Variants in ZNF385D observed in about 807,000 individuals in gnomAD.
ZNF385D encodes the protein zinc finger protein 659.
ZNF385D carries 15 observed loss-of-function variants against 35.8 expected under a neutral mutation model. The ratio of observed to expected loss-of-function variants is 0.42; its 90% confidence interval spans 0.28 to 0.64. ZNF385D has a LOEUF of 0.64. ZNF385D is among the 30% of genes least tolerant of loss of function. ZNF385D has a pLI of 0.23. For missense variants in ZNF385D, 474 were observed against 494.6 expected, an observed-to-expected ratio of 0.96 and a Z score of 0.39; for synonymous variants, 212 against 186.8, an observed-to-expected ratio of 1.13 and a Z score of -1.10.
intron 3 of ZNF385D, among the ~76,000 whole-genome samples, chr3:22,127,577 T>A (rs2125678961): frequency 6.6e-6 from 1 of 152,094 alleles, no homozygotes; most frequent in Non-Finnish European, 1.5e-5. Flanking sequence ...TGACCTCAAG[T>A]GATCTGCCCA....
At chr3:21,964,424 A>G (rs1702769323) in intron 3 of ZNF385D, among the ~76,000 whole-genome samples, 1 of 91,060 alleles carries the variant, frequency 1.1e-5, no homozygotes, top group South Asian at 4.2e-4. Context: ...AAAAAAAAAA[A>G]AAAAAAAAGA....
At chr3:21,753,786 T>TG (rs1491589195), upstream of ZNF385D, among the ~76,000 whole-genome samples, 37 of 109,342 alleles carry the variant, frequency 3.4e-4, no homozygotes, top group African/African-American at 1.6e-3. Context: ...GTTGTTGTTG[T>TG]TGTTGTGTGT....
chr3:21,642,762 G>A (rs1213718822), intron 2 of ZNF385D, among the ~76,000 whole-genome samples: 1 of 152,116 alleles, frequency 6.6e-6, no homozygotes, highest in Non-Finnish European at 1.5e-5. Context: ...ATATTATTAA[G>A]TCTTTAAAAT....
rs371501083 is a variant in ZNF385D at position 21,907,384 on chromosome 3, A to G, written c.326-242356T>C. ...AAAATGGCATTTGTTACCCTTCACAATATCTTTTTTTGTATAATAAAATCC... is the reference window on the plus strand; with the variant it reads ...AAAATGGCATTTGTTACCCTTCACAGTATCTTTTTTTGTATAATAAAATCC... On this transcript the variant is annotated intron_variant, in intron 3 of 5. Coordinates refer to the ZNF385D transcript ENST00000494108. Among the ~76,000 whole-genome samples, 26 of 152,140 alleles carry G rather than the reference A, an allele frequency of 1.7e-4. 1 individual carries two copies. Among genetic ancestry groups the G allele is most frequent in the Admixed American group, 1.3e-3 (20 of 15,268 alleles).
intron 4 of ZNF385D, chr3:21,459,520 A>G (rs1234254990): frequency 1.3e-5 from 2 of 152,152 alleles, no homozygotes; most frequent in Admixed American, 1.3e-4. Flanking sequence ...AAAAAATTTA[A>G]ATAATATAAA....
At chr3:22,173,734 C>T (rs1002705769) in intron 2 of ZNF385D, among the ~76,000 whole-genome samples, 2 of 152,120 alleles carry the variant, frequency 1.3e-5, no homozygotes, top group Middle Eastern at 3.2e-3. Context: ...TGACCTTCTC[C>T]TATCTTCTTA....
At chr3:22,121,433 T>C (rs1258302381) in intron 3 of ZNF385D, among the ~76,000 whole-genome samples, 1 of 152,188 alleles carries the variant, frequency 6.6e-6, no homozygotes, top group Non-Finnish European at 1.5e-5. Context: ...AACTTTTAAA[T>C]TGCCTCTTAA....
At chr3:22,142,994 G>A (rs989943948) in intron 3 of ZNF385D, among the ~76,000 whole-genome samples, 1 of 151,098 alleles carries the variant, frequency 6.6e-6, no homozygotes, top group Non-Finnish European at 1.5e-5. Flanking sequence ...TGTTTCCTCT[G>A]GGGTCATGAA....
At chr3:22,203,940 G>T (rs1338065679) in intron 2 of ZNF385D, among the ~76,000 whole-genome samples, 2 of 152,088 alleles carry the variant, frequency 1.3e-5, no homozygotes, top group African/African-American at 4.8e-5. Context: ...AAAGAAGTCT[G>T]GTTGGCTTCA....
chr3:22,148,095 G>A (rs1215826849), intron 3 of ZNF385D, among the ~76,000 whole-genome samples: 2 of 152,050 alleles, frequency 1.3e-5, no homozygotes. Context: ...CTTTATGAGT[G>A]GAATTCCAGT....
chr3:21,972,526 G>A (rs1703327350), intron 3 of ZNF385D, among the ~76,000 whole-genome samples: 1 of 151,850 alleles, frequency 6.6e-6, no homozygotes, highest in Non-Finnish European at 1.5e-5. Flanking sequence ...TTTTAGAGAA[G>A]TAGAAGATCA....
intron 2 of ZNF385D, among the ~76,000 whole-genome samples, chr3:22,254,113 A>G (rs555566640): frequency 1.7e-3 from 260 of 151,968 alleles, no homozygotes; most frequent in African/African-American, 5.7e-3. Flanking sequence ...GGCATTAATG[A>G]CCTTAATGTA....
intron 2 of ZNF385D, among the ~76,000 whole-genome samples, chr3:22,280,369 T>G (rs1169804404): frequency 1.3e-5 from 2 of 151,656 alleles, no homozygotes. Context: ...TAGAAGGGTT[T>G]TTTTTTTTTT....
intron 2 of ZNF385D, among the ~76,000 whole-genome samples, chr3:22,175,622 G>C (rs1205723600): frequency 6.6e-6 from 1 of 151,706 alleles, no homozygotes; most frequent in Non-Finnish European, 1.5e-5. Context: ...TAAAACTTGT[G>C]AAAGAAATTT....
intron 3 of ZNF385D, among the ~76,000 whole-genome samples, chr3:21,929,963 T>A (rs192916647): frequency 6.6e-6 from 1 of 152,088 alleles, no homozygotes; most frequent in Non-Finnish European, 1.5e-5. Context: ...AAAATTCATA[T>A]GGGAATACAA....
intron 3 of ZNF385D, among the ~76,000 whole-genome samples, chr3:21,936,488 T>C (rs1397081966): frequency 6.6e-6 from 1 of 152,078 alleles, no homozygotes; most frequent in Admixed American, 6.6e-5. Context: ...CTCTGTGAGA[T>C]AAACAATTTA....
intron 2 of ZNF385D, among the ~76,000 whole-genome samples, chr3:21,570,911 T>TATTACTCACATTC (rs1244999929): frequency 1.3e-5 from 2 of 152,218 alleles, no homozygotes; most frequent in African/African-American, 4.8e-5. Context: ...AATGTTTTTA[T>TATTACTCACATTC]ATTACTCACA....
At chr3:22,114,915 C>G (rs1024004857) in intron 3 of ZNF385D, among the ~76,000 whole-genome samples, 1 of 152,032 alleles carries the variant, frequency 6.6e-6, no homozygotes, top group Non-Finnish European at 1.5e-5. Context: ...CAGCCTTCCA[C>G]CATGTGAAAG....
chr3:21,873,173 A>G (rs1697786124), intron 3 of ZNF385D, among the ~76,000 whole-genome samples: 1 of 152,186 alleles, frequency 6.6e-6, no homozygotes, highest in South Asian at 2.1e-4. Flanking sequence ...AGATAAAGCT[A>G]TGGATTTGAT....
Sources: gnomAD v4.1 joint callset for allele counts (sites outside exome capture counted in the v4.1 genomes callset) on GRCh38, gnomAD v4.1.1 for gene constraint, MANE v1.5 for transcripts, NCBI Gene and HGNC (gene_info 2026-07-23, HGNC 2026-07-21) for gene names.